Variants in CNOT2 observed in about 807,000 individuals in gnomAD.
CNOT2 encodes the protein CCR4-NOT transcription complex subunit 2.
A neutral mutation model predicts 72.1 loss-of-function variants in CNOT2; 7 were observed. The observed-to-expected ratio is 0.10, with a 90% CI of 0.06 to 0.18. The LOEUF is 0.18. CNOT2 is among the 10% of genes least tolerant of loss of function. The pLI is 1.00. For synonymous variants in CNOT2, 196 were observed against 225.6 expected (o/e 0.87, Z 1.17); for missense variants, 345 against 660.3 (o/e 0.52, Z 5.23).
intron 1 of CNOT2, among the ~76,000 whole-genome samples, chr12:70,250,206 T>A (rs1335587197): frequency 6.6e-6 from 1 of 152,176 alleles, no homozygotes; most frequent in African/African-American, 2.4e-5. Flanking sequence ...AACACTAAGA[T>A]GTTTCAGAGC....
At chr12:70,313,277 A>G (rs1342438455) in intron 3 of CNOT2, among the ~76,000 whole-genome samples, 1 of 151,944 alleles carries the variant, frequency 6.6e-6, no homozygotes, top group South Asian at 2.1e-4. Flanking sequence ...TTCTCCATGT[A>G]TTGAGGATAA....
At chr12:70,326,236 A>G (rs571242356) in intron 4 of CNOT2, among the ~76,000 whole-genome samples, 1 of 151,826 alleles carries the variant, frequency 6.6e-6, no homozygotes, top group Non-Finnish European at 1.5e-5. Flanking sequence ...ATTTGTTTTT[A>G]TTCTTTGTAA....
intron 2 of CNOT2, among the ~76,000 whole-genome samples, chr12:70,283,885 G>A (rs1281814576): frequency 6.7e-6 from 1 of 150,118 alleles, no homozygotes; most frequent in Admixed American, 6.6e-5. Flanking sequence ...TTCATGTCAT[G>A]ATCACATGAT....
intron 1 of CNOT2, among the ~76,000 whole-genome samples, chr12:70,263,503 G>A (rs1958876446): frequency 6.6e-6 from 1 of 151,912 alleles, no homozygotes. Context: ...TTGAGCCTCT[G>A]AATTTTTCAG....
chr12:70,294,319 G>T (rs777598597), intron 2 of CNOT2: 427 of 1,284,976 alleles, frequency 3.3e-4, no homozygotes, highest in Non-Finnish European at 4.2e-4. Flanking sequence ...GGGAAAGCCG[G>T]GGGAAAAATG....
chr12:70,344,185 A>T lies in CNOT2; in HGVS notation c.1348A>T (p.Met450Leu), dbSNP rs371007264. The part of the protein sequence containing the change: ...GEDLLFYLYY[M>L]NGGDVLQLLA... ...AGACCTTCTCTTCTATCTCTATTACATGAATGGAGGAGACGTATTACAACT... is the reference window on the plus strand; with the variant it reads ...AGACCTTCTCTTCTATCTCTATTACTTGAATGGAGGAGACGTATTACAACT... Residue 450 changes from methionine (M) to leucine (L), a missense_variant, in exon 14 of 16, where the codon ATG (methionine) becomes TTG (leucine). Coordinates refer to ENST00000229195, the MANE Select transcript of CNOT2 (RefSeq NM_014515.7). The T allele has an allele frequency of 3.1e-6, 5 of 1,612,556 alleles. No individual in the cohort carries two copies. Among genetic ancestry groups the T allele is most frequent in the Non-Finnish European group, 2.5e-6 (3 of 1,178,906 alleles).
At chr12:70,345,613 G>A (rs1237215434) in intron 14 of CNOT2, 2 of 152,130 alleles carry the variant, frequency 1.3e-5, no homozygotes, top group South Asian at 2.1e-4. Context: ...TTTATGAATT[G>A]TAATGGATTT....
chr12:70,307,054 T>C (rs1309070266), intron 2 of CNOT2, among the ~76,000 whole-genome samples: 1 of 152,176 alleles, frequency 6.6e-6, no homozygotes, highest in African/African-American at 2.4e-5. Context: ...AGGGCACTTA[T>C]CATAAACGGA....
At chr12:70,332,256 A>C (rs1465483710) in intron 6 of CNOT2, 1 of 151,916 alleles carries the variant, frequency 6.6e-6, no homozygotes, top group African/African-American at 2.4e-5. Flanking sequence ...AGAGGAGTTT[A>C]ACATGGGAGG....
chr12:70,294,208 A>C (rs1593149954), intron 2 of CNOT2: 4 of 1,289,336 alleles, frequency 3.1e-6, no homozygotes, highest in Non-Finnish European at 4.0e-6. Flanking sequence ...GCCATGGCTC[A>C]CCCTCCAACC....
chr12:70,345,995 A>G (rs889214417), intron 14 of CNOT2, 185 bp from the exon 15 acceptor site: 5 of 502,400 alleles, frequency 1.0e-5, no homozygotes, highest in South Asian at 6.8e-5. Context: ...ACAAATTAAG[A>G]AATATTTTTT....
intron 1 of CNOT2, among the ~76,000 whole-genome samples, chr12:70,246,533 G>T (rs1406611158): frequency 6.6e-6 from 1 of 152,252 alleles, no homozygotes; most frequent in South Asian, 2.1e-4. Flanking sequence ...TGCTATGGTA[G>T]AACTTATTCT....
chr12:70,269,360 T>G (rs963048229), intron 1 of CNOT2, among the ~76,000 whole-genome samples: 4 of 152,094 alleles, frequency 2.6e-5, no homozygotes, highest in Non-Finnish European at 4.4e-5. Flanking sequence ...TGCTGTGATA[T>G]TCTCATCCAG....
At chr12:70,301,318 T>G (rs1304716329) in intron 2 of CNOT2, among the ~76,000 whole-genome samples, 1 of 152,208 alleles carries the variant, frequency 6.6e-6, no homozygotes, top group African/African-American at 2.4e-5. Context: ...AGGGAATGCT[T>G]CCAGTTTTTG....
intron 1 of CNOT2, among the ~76,000 whole-genome samples, chr12:70,254,021 G>A (rs1485255856): frequency 3.9e-5 from 6 of 152,026 alleles, no homozygotes; most frequent in African/African-American, 7.2e-5. Context: ...GGCAGATCAC[G>A]AGGTCAGGAG....
At chr12:70,245,322 A>G (rs1266422221) in intron 1 of CNOT2, among the ~76,000 whole-genome samples, 1 of 152,200 alleles carries the variant, frequency 6.6e-6, no homozygotes, top group Non-Finnish European at 1.5e-5. Context: ...TAAGATCCTT[A>G]CTGTAAAAAA....
At chr12:70,303,912 T>C (rs548125264) in intron 2 of CNOT2, among the ~76,000 whole-genome samples, 2 of 152,314 alleles carry the variant, frequency 1.3e-5, no homozygotes, top group African/African-American at 2.4e-5. Context: ...GTTTATTTCT[T>C]TTTATTCTTT....
chr12:70,295,299 G>A (rs1872633186), intron 2 of CNOT2, among the ~76,000 whole-genome samples: 1 of 152,088 alleles, frequency 6.6e-6, no homozygotes, highest in Non-Finnish European at 1.5e-5. Context: ...AGTGTATTTG[G>A]TATTTCAGGT....
chr12:70,347,728 G>C (rs1050785649), intron 15 of CNOT2: 1 of 151,438 alleles, frequency 6.6e-6, no homozygotes, highest in Non-Finnish European at 1.5e-5. Context: ...GTTTCTCAGT[G>C]GTAAATGTCT....
Sources: allele counts gnomAD v4.1 joint callset (sites outside exome capture counted in the v4.1 genomes callset), GRCh38; gene constraint gnomAD v4.1.1; transcripts MANE v1.5; gene names NCBI Gene and HGNC (gene_info 2026-07-23, HGNC 2026-07-21).